TBC1D32: variants seen among roughly 807,000 people sequenced by gnomAD.
TBC1D32 encodes protein broad-minded.
In TBC1D32, 151 loss-of-function variants were observed where a neutral mutation model predicts 170.3. That is an observed-to-expected ratio of 0.89 (90% CI 0.78 to 1.01). The LOEUF (loss-of-function observed/expected upper bound fraction) is 1.01, where lower values mean the gene tolerates loss of function less well. TBC1D32 is among the 50% of genes least tolerant of loss of function. TBC1D32 has a pLI of 0.00. For missense variants in TBC1D32, 1,464 were observed against 1,457.1 expected, an observed-to-expected ratio of 1.00 and a Z score of -0.08; for synonymous variants, 498 against 488.0, an observed-to-expected ratio of 1.02 and a Z score of -0.27.
intron 8 of TBC1D32, 38 bp from the exon 9 acceptor site, chr6:121,303,799 T>G: frequency 7.2e-7 from 1 of 1,390,192 alleles, no homozygotes; most frequent in Non-Finnish European, 9.7e-7. Context: ...ATTACACATA[T>G]AGTTCTGGTG....
intron 31 of TBC1D32, among the ~76,000 whole-genome samples, chr6:121,086,292 A>G (rs1776267927): frequency 1.3e-5 from 2 of 152,166 alleles, no homozygotes; most frequent in Non-Finnish European, 2.9e-5. Flanking sequence ...GTGAGTGGCA[A>G]AGTTAGAATT....
rs549165052 is a variant in TBC1D32 at position 121,277,427 on chromosome 6, G to A, written c.1733+1694C>T. On this transcript the variant is annotated intron_variant, in intron 15 of 31. Transcript: ENST00000398212. ...CGCTTGAACCCAGAAGGTGGAGTTT[G>A]CAGTGAGCCAAGATTGTGCTATTGT... Among the ~76,000 whole-genome samples the A allele has an allele frequency of 2.8e-4, 39 of 139,994 alleles. No individual in the cohort carries two copies. In the South Asian group the frequency reaches 8.7e-3, roughly 31 times the overall value. The allele number at this position is 139,994 out of a possible 152,430, so 91.8% of individuals were successfully genotyped here.
At chr6:121,162,004 T>G (rs1187181449) in intron 22 of TBC1D32, among the ~76,000 whole-genome samples, 2 of 152,224 alleles carry the variant, frequency 1.3e-5, no homozygotes, top group Non-Finnish European at 2.9e-5. Flanking sequence ...TCTGTTCATG[T>G]CCTTTGCCCA....
Position 121,321,810 on chromosome 6 carries a change from A to G in TBC1D32, c.156-16T>C. On this transcript the variant is annotated splice_polypyrimidine_tract_variant and intron_variant, in intron 1 of 31. Transcript: ENST00000398212. ...AAATTCATAGCTGAAACAAATATTT[A>G]GAAAATAAATGCGGTAAATATCATA... 6.2e-7 allele frequency: 1 copy of G among 1,600,498 alleles called. No homozygotes were observed. The highest frequency in any genetic ancestry group is 8.5e-7 in the Non-Finnish European group (1 of 1,174,308).
chr6:121,211,561 T>C (rs906943155), intron 21 of TBC1D32, among the ~76,000 whole-genome samples: 1 of 152,178 alleles, frequency 6.6e-6, no homozygotes, highest in African/African-American at 2.4e-5. Context: ...TGAGAACATA[T>C]GATGTTTGGT....
chr6:121,128,286 T>C (rs940744695), intron 25 of TBC1D32, among the ~76,000 whole-genome samples: 1 of 152,156 alleles, frequency 6.6e-6, no homozygotes, highest in Non-Finnish European at 1.5e-5. Flanking sequence ...TGTACTCATG[T>C]AACAATGCTA....
chr6:121,202,761 G>C (rs1054728568), intron 22 of TBC1D32, among the ~76,000 whole-genome samples: 1 of 150,982 alleles, frequency 6.6e-6, no homozygotes, highest in African/African-American at 2.5e-5. Flanking sequence ...AAGGAGGGAG[G>C]CTAATCAAAG....
chr6:121,081,844 A>G (rs1775675616), intron 31 of TBC1D32, among the ~76,000 whole-genome samples: 1 of 152,086 alleles, frequency 6.6e-6, no homozygotes, highest in African/African-American at 2.4e-5. Flanking sequence ...CAGCTTGCAT[A>G]TAACTTGGGG....
intron 1 of TBC1D32, among the ~76,000 whole-genome samples, chr6:121,328,548 T>G (rs1370876249): frequency 6.6e-6 from 1 of 152,072 alleles, no homozygotes; most frequent in African/African-American, 2.4e-5. Context: ...CCTCCCAAAG[T>G]GTTGGGATTA....
chr6:121,134,077 T>G (rs1781747876), intron 24 of TBC1D32, among the ~76,000 whole-genome samples: 1 of 152,122 alleles, frequency 6.6e-6, no homozygotes, highest in Non-Finnish European at 1.5e-5. Context: ...TTTTTATTGT[T>G]TTCATTTAAA....
At chr6:121,108,769 T>C (rs1391074708) in intron 29 of TBC1D32, among the ~76,000 whole-genome samples, 3 of 151,964 alleles carry the variant, frequency 2.0e-5, no homozygotes, top group African/African-American at 7.2e-5. Context: ...GCTATGAAAA[T>C]TAAATAGAAA....
In TBC1D32 at chr6:121,281,627, C is replaced by G; in HGVS notation, c.1525G>C (p.Glu509Gln). ...EVLWILSDQK[E>Q]CAVECLYNNI... Reference sequence around the variant, plus strand: ...TTATATAAGCATTCCACTGCACATTCTTTTTGATCACTGAGTATCCACAGA... The same window carrying G: ...TTATATAAGCATTCCACTGCACATTGTTTTTGATCACTGAGTATCCACAGA... Residue 509 changes from glutamate to glutamine, a missense_variant, in exon 14 of 32, where the codon GAA becomes CAA. Around this residue, in one of 3 missense-constraint regions of TBC1D32, gnomAD observed 1,363 missense variants for 1,338.1 expected, o/e 1.02. Coordinates refer to ENST00000398212, the MANE Select transcript of TBC1D32 (RefSeq NM_152730.6). The G allele has an allele frequency of 6.2e-7, 1 of 1,607,214 alleles. No individual in the cohort carries two copies. The highest frequency in any genetic ancestry group is 2.2e-5 in the East Asian group (1 of 44,452).
At chr6:121,272,798 A>T (rs1291215732) in intron 15 of TBC1D32, among the ~76,000 whole-genome samples, 2 of 152,246 alleles carry the variant, frequency 1.3e-5, no homozygotes, top group African/African-American at 4.8e-5. Context: ...TGCTGTAAAG[A>T]CACATGCACA....
At chr6:121,141,473 C>A (rs1270059782) in intron 24 of TBC1D32, among the ~76,000 whole-genome samples, 1 of 152,070 alleles carries the variant, frequency 6.6e-6, no homozygotes. Flanking sequence ...ACAAATAACT[C>A]AATTAAAAAT....
rs1779576168 is a variant in TBC1D32, at chr6:121,115,209, A to T, written c.3016T>A (p.Ser1006Thr). The change falls in exon 27 of 32, where the codon TCA becomes ACA. Residue 1006 changes from serine to threonine, a missense_variant. Transcript: ENST00000398212. ...TDANVKNESL[S>T]SVQQLGIKMT... is the part of the protein sequence containing the mutation. ...TTAATGCCAAGCTGCTGCACAGATGAAAGACTTTCATTCTTCACATTTGCA... is the reference window on the plus strand; with the variant it reads ...TTAATGCCAAGCTGCTGCACAGATGTAAGACTTTCATTCTTCACATTTGCA... 1 of 1,602,314 alleles carries T rather than the reference A, an allele frequency of 6.2e-7. No individual in the cohort carries two copies. Among genetic ancestry groups the T allele is most frequent in the African/African-American group, 1.3e-5 (1 of 74,866 alleles).
At chr6:121,119,013 C>T (rs1172114113) in intron 26 of TBC1D32, among the ~76,000 whole-genome samples, 1 of 152,088 alleles carries the variant, frequency 6.6e-6, no homozygotes, top group South Asian at 2.1e-4. Context: ...TATTTCCATT[C>T]TAATATCCCA....
intron 31 of TBC1D32, among the ~76,000 whole-genome samples, chr6:121,088,939 A>G (rs904242853): frequency 2.0e-5 from 3 of 152,200 alleles, no homozygotes; most frequent in African/African-American, 7.2e-5. Context: ...GGAACATTTA[A>G]AGAGGTTAAT....
At chr6:121,142,688 A>G (rs1049117204) in intron 24 of TBC1D32, among the ~76,000 whole-genome samples, 1 of 152,118 alleles carries the variant, frequency 6.6e-6, no homozygotes, top group African/African-American at 2.4e-5. Flanking sequence ...GCTATTTTTA[A>G]TTTTCTATAT....
At chr6:121,294,706 A>G (rs1237279310) in intron 10 of TBC1D32, 46 bp from the exon 11 acceptor site, 3 of 1,417,426 alleles carry the variant, frequency 2.1e-6, no homozygotes, top group East Asian at 4.6e-5. Flanking sequence ...GCAGCCCTCA[A>G]GTCCAAGAAT....
Sources: allele counts gnomAD v4.1 joint callset (sites outside exome capture counted in the v4.1 genomes callset), GRCh38; gene constraint gnomAD v4.1.1; regional missense constraint gnomAD v4.1.1; transcripts MANE v1.5; gene names NCBI Gene and HGNC (gene_info 2026-07-23, HGNC 2026-07-21).